SART1: variants seen among roughly 807,000 people sequenced by gnomAD.
SART1 encodes spliceosome associated factor 1, recruiter of U4/U6.U5 tri-snRNP, also known as U4/U6.U5 tri-snRNP-associated protein 1.
A neutral mutation model predicts 105.0 loss-of-function variants in SART1; 28 were observed. That is an observed-to-expected ratio of 0.27 (90% CI 0.20 to 0.37). The LOEUF (loss-of-function observed/expected upper bound fraction) is 0.37, where lower values mean the gene tolerates loss of function less well. Ranked by LOEUF, SART1 falls within the 10% of genes least tolerant of loss-of-function variation. The pLI is 1.00. For synonymous variants in SART1, 472 were observed against 462.9 expected, an observed-to-expected ratio of 1.02 and a Z score of -0.25; for missense variants, 894 against 1,106.5, an observed-to-expected ratio of 0.81 and a Z score of 2.72.
In SART1 at chr11:65,967,713, G is replaced by T; in HGVS notation, c.1464G>T (p.Gln488His). 1.3e-6 allele frequency: 2 copies of T among 1,560,876 alleles called. No individual in the cohort carries two copies. The highest frequency in any genetic ancestry group is 2.4e-5 in the East Asian group (1 of 42,444). The change falls in exon 12 of 20, where the codon CAG (glutamine) becomes CAT (histidine). Residue 488 changes from glutamine to histidine, a missense_variant. Transcript: ENST00000312397. ...EGGAPPPGSP[Q>H]VLEEDEAELE... is the part of the protein sequence containing the mutation. ...GAGCTCCACCGCCGGGGTCCCCGCA[G>T]GTGCTGGAGGAGGACGAGGCGGAGC...
rs1241456114 is a variant in SART1 at position 65,966,517 on chromosome 11, G to A, written c.1149G>A (p.Gly383=). The A allele has an allele frequency of 6.4e-7, 1 of 1,572,366 alleles. No individual in the cohort carries two copies. Among genetic ancestry groups the A allele is most frequent in the Non-Finnish European group, 8.6e-7 (1 of 1,159,934 alleles). The change falls in exon 9 of 20, where the codon GGG becomes GGA. Residue 383 remains glycine (G), a synonymous_variant. Coordinates refer to ENST00000312397, the MANE Select transcript of SART1 (RefSeq NM_005146.5). ...RLQAQSLSTV[G]PRLASEYLTP... ...AGGCTCAGTCCCTGAGCACAGTGGG[G>A]CCCCGGCTGGCCTCCGAATACCTCA...
Position 65,966,451 on chromosome 11 carries a change from G to A in SART1, c.1083G>A (p.Arg361=), listed in dbSNP as rs1052197089. ...LEQGGTADGL[R]ERELEEIRAK... Reference sequence around the variant, plus strand: ...AGGGCGGCACGGCTGATGGCCTGCGGGAGCGGGAGCTGGAGGAGATCCGGG... The same window carrying A: ...AGGGCGGCACGGCTGATGGCCTGCGAGAGCGGGAGCTGGAGGAGATCCGGG... Residue 361 remains arginine, a synonymous_variant, in exon 9 of 20, where the codon CGG becomes CGA. Coordinates refer to ENST00000312397, the MANE Select transcript of SART1 (RefSeq NM_005146.5). 3 of 1,613,310 alleles carry A rather than the reference G, an allele frequency of 1.9e-6. No homozygotes were observed. Among genetic ancestry groups the A allele is most frequent in the South Asian group, 1.1e-5 (1 of 91,078 alleles).
rs1386592778 is a variant in SART1 at position 65,976,635 on chromosome 11, C to G, written c.1747-21C>G. On this transcript the variant is annotated intron_variant, in intron 13 of 19. Coordinates refer to ENST00000312397, the MANE Select transcript of SART1 (RefSeq NM_005146.5). This position sits in a 1 kb window ranked among gnomAD's most constrained non-coding sequence, Gnocchi z 5.1. ...GTGGGCTGGCTGGGGCCTGGGCCGA[C>G]CCTGGTCTTTTGTGCCCCAGGACTT... is the stretch of plus-strand genomic sequence containing the variant. 11 of 1,613,366 alleles carry G rather than the reference C, an allele frequency of 6.8e-6. No individual in the cohort carries two copies. The highest frequency in any genetic ancestry group is 9.3e-6 in the Non-Finnish European group (11 of 1,179,780).
intron 15 of SART1, 135 bp from the exon 16 acceptor site, chr11:65,977,428 C>T (rs768429434): frequency 1.1e-5 from 8 of 732,764 alleles, no homozygotes; most frequent in African/African-American, 5.3e-5. Flanking sequence ...TTTGCTTTGC[C>T]TGTAGAACAG....
Position 65,976,619 on chromosome 11 carries a change from C to G in SART1, c.1747-37C>G. 2 of 1,613,318 alleles carry G rather than the reference C, an allele frequency of 1.2e-6. No homozygotes were observed. Among genetic ancestry groups the G allele is most frequent in the Non-Finnish European group, 1.7e-6 (2 of 1,179,786 alleles). On this transcript the variant is annotated intron_variant, in intron 13 of 19. Coordinates refer to ENST00000312397, the MANE Select transcript of SART1 (RefSeq NM_005146.5). The surrounding 1 kb of genome is among the most constrained non-coding windows in gnomAD (Gnocchi z 5.1). ...TGCTTCCCTCGGCTGGGTGGGCTGGCTGGGGCCTGGGCCGACCCTGGTCTT... is the reference window on the plus strand; with the variant it reads ...TGCTTCCCTCGGCTGGGTGGGCTGGGTGGGGCCTGGGCCGACCCTGGTCTT...
chr11:65,962,516 G>A (rs1279988914), intron 1 of SART1, among the ~76,000 whole-genome samples: 1 of 152,194 alleles, frequency 6.6e-6, no homozygotes, highest in Non-Finnish European at 1.5e-5. Context: ...GGTATTGGAC[G>A]AATCGTGTAG....
intron 12 of SART1, among the ~76,000 whole-genome samples, chr11:65,972,813 C>T (rs978765559): frequency 1.3e-5 from 2 of 150,256 alleles, no homozygotes; most frequent in Non-Finnish European, 1.5e-5. Context: ...AAGAAACCCA[C>T]AGGTTCCATG....
At chr11:65,975,951 A>G (rs766955213) in intron 12 of SART1, among the ~76,000 whole-genome samples, 17 of 152,124 alleles carry the variant, frequency 1.1e-4, no homozygotes, top group Non-Finnish European at 2.4e-4. Flanking sequence ...TGAAGCAGGA[A>G]GCGAGAAGCT....
In SART1 at chr11:65,978,116, G is replaced by T; in HGVS notation, c.2172+217G>T. 1 of 591,698 alleles carries T rather than the reference G, an allele frequency of 1.7e-6. No individual in the cohort carries two copies. The highest frequency in any genetic ancestry group is 3.0e-6 in the Non-Finnish European group (1 of 334,404). 36.7% of individuals were successfully genotyped at this position (591,698 alleles called of 1,614,324 possible). On this transcript the variant is annotated intron_variant, in intron 17 of 19. Coordinates refer to ENST00000312397, the MANE Select transcript of SART1 (RefSeq NM_005146.5). The surrounding 1 kb of genome is among the most constrained non-coding windows in gnomAD (Gnocchi z 6.8). The stretch of plus-strand genomic sequence containing the variant: ...AGTGGGCACAGCAGTCTCTTTGCAA[G>T]CCTGGCAGGAGGGTCAGACAGGCAC...
At chr11:65,975,409 A>AG (rs1855460875) in intron 12 of SART1, among the ~76,000 whole-genome samples, 1 of 105,650 alleles carries the variant, frequency 9.5e-6, no homozygotes, top group Non-Finnish European at 1.9e-5. Flanking sequence ...CCCCTGGAAG[A>AG]ATTTTTTTTT....
chr11:65,964,289 A>G (rs1330024548), intron 2 of SART1, 158 bp downstream of exon 2: 14 of 854,804 alleles, frequency 1.6e-5, no homozygotes, highest in African/African-American at 1.0e-4. Flanking sequence ...AGAGAAAACT[A>G]AAACCTAAGA....
chr11:65,966,137 A>G lies in SART1; in HGVS notation c.900A>G (p.Ala300=). 6.2e-7 allele frequency: 1 copy of G among 1,614,030 alleles called. No individual in the cohort carries two copies. The highest frequency in any genetic ancestry group is 1.1e-5 in the South Asian group (1 of 91,092). ...TGAACCTGGTGGATAAGGAGCGGGC[A>G]GAGAAAAATGTGGAGCTGCGGAAGA... is the stretch of plus-strand genomic sequence containing the variant. The part of the protein sequence containing the change: ...VNVNLVDKER[A]EKNVELRKKK... Residue 300 remains alanine (A), a synonymous_variant, in exon 8 of 20, where the codon GCA becomes GCG. Coordinates refer to ENST00000312397, the MANE Select transcript of SART1 (RefSeq NM_005146.5).
rs755379030 is a variant in SART1, at chr11:65,978,925, C to T, written c.2384+11C>T. On this transcript the variant is annotated intron_variant, in intron 19 of 19. Coordinates refer to ENST00000312397, the MANE Select transcript of SART1 (RefSeq NM_005146.5). The surrounding 1 kb of genome is among the most constrained non-coding windows in gnomAD (Gnocchi z 6.8). ...CAAGAGCATGAACGCGTGAGTGGCTCGAGGCTGGTGGGGTAGGGTGTGGTG... is the reference window on the plus strand; with the variant it reads ...CAAGAGCATGAACGCGTGAGTGGCTTGAGGCTGGTGGGGTAGGGTGTGGTG... The T allele has an allele frequency of 3.1e-6, 5 of 1,613,536 alleles. No individual in the cohort carries two copies. The highest frequency in any genetic ancestry group is 1.6e-4 in the Middle Eastern group (1 of 6,084).
chr11:65,973,799 C>T (rs1180146369), intron 12 of SART1, among the ~76,000 whole-genome samples: 1 of 152,116 alleles, frequency 6.6e-6, no homozygotes, highest in Non-Finnish European at 1.5e-5. Context: ...GAGCTACAGC[C>T]GTGTGCATCA....
At chr11:65,964,647 G>A (rs992738803) in intron 3 of SART1, 77 bp downstream of exon 3, 3 of 1,443,442 alleles carry the variant, frequency 2.1e-6, no homozygotes, top group African/African-American at 1.4e-5. Context: ...GGGGTTAGAG[G>A]GCAGGTTCAG....
intron 12 of SART1, 40 bp downstream of exon 12, chr11:65,967,861 A>T: frequency 6.9e-7 from 1 of 1,444,056 alleles, no homozygotes; most frequent in Non-Finnish European, 9.1e-7. Context: ...GTCAGCAGTC[A>T]CCTGTCCTCA....
At chr11:65,964,990 C>T (rs1302549453) in intron 3 of SART1, 102 bp from the exon 4 acceptor site, 3 of 1,420,366 alleles carry the variant, frequency 2.1e-6, no homozygotes, top group Admixed American at 2.6e-5. Context: ...CTGTCCTGAC[C>T]CCTTCTGGCC....
Position 65,979,486 on chromosome 11 carries a change from C to A in SART1, c.*456C>A, listed in dbSNP as rs1590647910. 1.9e-5 allele frequency: 4 copies of A among 211,824 alleles called. No homozygotes were observed. The Admixed American group carries it at 2.2e-4, about 11-fold the overall frequency. 13.1% of individuals were successfully genotyped at this position (211,824 alleles called of 1,614,324 possible). A position where few individuals can be genotyped will look rare whatever the true frequency, so the allele number is the denominator to read the frequency against. ...CCTGGCTGTCCTGTGCCACCCTGGT[C>A]TGTGTCTAGAGGAGTGAAACTCCCA... On this transcript the variant is annotated 3_prime_UTR_variant, in exon 20 of 20. Transcript: ENST00000312397.
intron 8 of SART1, 21 bp from the exon 9 acceptor site, chr11:65,966,329 C>A: frequency 6.2e-7 from 1 of 1,613,990 alleles, no homozygotes; most frequent in Non-Finnish European, 8.5e-7. Context: ...TGGGTCCCAA[C>A]CTGTACCTCT....
Sources: allele counts gnomAD v4.1 joint callset (sites outside exome capture counted in the v4.1 genomes callset), GRCh38; gene constraint gnomAD v4.1.1; non-coding constraint Gnocchi (gnomAD v3.1); transcripts MANE v1.5; gene names NCBI Gene and HGNC (gene_info 2026-07-23, HGNC 2026-07-21).